SIPA1L2: variants seen among roughly 807,000 people sequenced by gnomAD.
The protein encoded by SIPA1L2 is signal-induced proliferation-associated 1-like protein 2.
SIPA1L2 carries 56 observed loss-of-function variants against 163.9 expected under a neutral mutation model. The ratio of observed to expected loss-of-function variants is 0.34; its 90% CI spans 0.28 to 0.43. The LOEUF (loss-of-function observed/expected upper bound fraction) is 0.43. Among genes scored for constraint, SIPA1L2 ranks in the 20% least tolerant of loss-of-function variants. The probability of loss-of-function intolerance (pLI) is 1.00; values close to 1 mark genes in which losing one functional copy is unlikely to be tolerated. For missense variants in SIPA1L2, 1,974 were observed against 2,193.5 expected, an observed-to-expected ratio of 0.90 and a Z score of 2.00; for synonymous variants, 877 against 865.7, an observed-to-expected ratio of 1.01 and a Z score of -0.23.
intron 2 of SIPA1L2, among the ~76,000 whole-genome samples, chr1:232,542,211 A>G (rs1164926268): frequency 1.3e-5 from 2 of 152,224 alleles, no homozygotes; most frequent in Non-Finnish European, 2.9e-5. Flanking sequence ...AAAAATGATC[A>G]TTTTAAATAA....
At chr1:232,490,398 A>G (rs1489438673) in intron 5 of SIPA1L2, among the ~76,000 whole-genome samples, 1 of 152,134 alleles carries the variant, frequency 6.6e-6, no homozygotes, top group Non-Finnish European at 1.5e-5. Flanking sequence ...TCTGCCTTGG[A>G]GAGGCCTTTC....
intron 10 of SIPA1L2, among the ~76,000 whole-genome samples, chr1:232,452,282 ACTTCCTGG>A (rs1663627808): frequency 2.0e-5 from 3 of 151,992 alleles, no homozygotes; most frequent in African/African-American, 4.8e-5. Context: ...AGCTGCCACC[ACTTCCTGG>A]CTTCCTGAAC....
At chr1:232,551,121 A>G (rs901717497) in intron 2 of SIPA1L2, among the ~76,000 whole-genome samples, 1 of 152,230 alleles carries the variant, frequency 6.6e-6, no homozygotes, top group South Asian at 2.1e-4. Flanking sequence ...TCATCTGTAA[A>G]GAGTTAATGA....
chr1:232,473,132 G>A (rs1206384145), intron 7 of SIPA1L2, among the ~76,000 whole-genome samples: 1 of 152,184 alleles, frequency 6.6e-6, no homozygotes, highest in Admixed American at 6.5e-5. Flanking sequence ...TCAAATGCAT[G>A]TAAATAATCA....
At chr1:232,416,593 T>C (rs1373092332) in intron 18 of SIPA1L2, among the ~76,000 whole-genome samples, 1 of 152,204 alleles carries the variant, frequency 6.6e-6, no homozygotes, top group East Asian at 1.9e-4. Flanking sequence ...TCATAAAGCT[T>C]ACTGAGGAAC....
intron 9 of SIPA1L2, chr1:232,462,255 T>C (rs1664278396): frequency 1.3e-6 from 2 of 1,550,892 alleles, no homozygotes; most frequent in Middle Eastern, 1.7e-4. Context: ...CCGATGACTA[T>C]GACCTCACCT....
At chr1:232,549,581 T>C (rs528203398) in intron 2 of SIPA1L2, among the ~76,000 whole-genome samples, 2 of 152,276 alleles carry the variant, frequency 1.3e-5, no homozygotes, top group East Asian at 1.9e-4. Flanking sequence ...TCCTATTATG[T>C]GGGAAATTTC....
At chr1:232,422,981 T>A (rs1311359392) in intron 18 of SIPA1L2, among the ~76,000 whole-genome samples, 1 of 152,142 alleles carries the variant, frequency 6.6e-6, no homozygotes, top group Non-Finnish European at 1.5e-5. Flanking sequence ...TGATACATAC[T>A]CGGTAGAAAT....
intron 1 of SIPA1L2, among the ~76,000 whole-genome samples, chr1:232,575,430 T>C (rs1660028507): frequency 6.6e-6 from 1 of 152,152 alleles, no homozygotes; most frequent in Admixed American, 6.5e-5. Context: ...TTTCAATCTG[T>C]CTCCATTTTT....
chr1:232,621,415 A>T (rs551559818), intron 1 of SIPA1L2, among the ~76,000 whole-genome samples: 8 of 152,166 alleles, frequency 5.3e-5, no homozygotes, highest in Middle Eastern at 3.4e-3. Flanking sequence ...TTTCATCATG[A>T]TTTATTGAAA....
At chr1:232,449,155 A>G (rs1393615540) in intron 10 of SIPA1L2, among the ~76,000 whole-genome samples, 1 of 152,162 alleles carries the variant, frequency 6.6e-6, no homozygotes, top group Non-Finnish European at 1.5e-5. Context: ...GTTAAAATTA[A>G]ACACTAAAAA....
At chr1:232,623,671 T>C (rs751388337) in intron 1 of SIPA1L2, among the ~76,000 whole-genome samples, 1 of 151,992 alleles carries the variant, frequency 6.6e-6, no homozygotes, top group African/African-American at 2.4e-5. Flanking sequence ...CTAAGGAGAA[T>C]AGCATCGCCA....
At chr1:232,597,405 C>T (rs61826622) in intron 1 of SIPA1L2, among the ~76,000 whole-genome samples, 196 of 151,664 alleles carry the variant, frequency 1.3e-3, no homozygotes, top group East Asian at 7.4e-3. Flanking sequence ...TGGCCGGGCG[C>T]GGTGGCTCAC....
intron 10 of SIPA1L2, among the ~76,000 whole-genome samples, chr1:232,459,331 A>G (rs1664102150): frequency 2.0e-5 from 3 of 152,298 alleles, no homozygotes; most frequent in East Asian, 3.9e-4. Flanking sequence ...ACAGACACAG[A>G]TCACTGTAGA....
At position 232,441,809 on chromosome 1, in the gene SIPA1L2, G is replaced by A; in HGVS notation, c.3497C>T (p.Ala1166Val). Residue 1166 changes from alanine (A) to valine (V), a missense_variant, in exon 13 of 23, where the codon GCC becomes GTC. Coordinates refer to ENST00000674635, the MANE Select transcript of SIPA1L2 (RefSeq NM_020808.5). ...TTCCATGGTGTCTTCCCTCTCCCTG[G>A]CTCCGTCACATTCCAAAGGGCCTGA... ...QGSGPLECDG[A>V]REREDTMEAS... 6.2e-7 allele frequency: 1 copy of A among 1,613,822 alleles called. No individual in the cohort carries two copies. The highest frequency in any genetic ancestry group is 1.1e-5 in the South Asian group (1 of 90,954).
intron 12 of SIPA1L2, among the ~76,000 whole-genome samples, chr1:232,442,508 A>G (rs1662963307): frequency 6.6e-6 from 1 of 150,496 alleles, no homozygotes; most frequent in Non-Finnish European, 1.5e-5. Flanking sequence ...AGATCATGCC[A>G]TTGCACTCCA....
chr1:232,402,361 C>G (rs752261785), intron 22 of SIPA1L2, 31 bp downstream of exon 22: 1 of 1,593,286 alleles, frequency 6.3e-7, no homozygotes, highest in South Asian at 1.1e-5. Context: ...ATAAGAGAAA[C>G]AGTTCTGATT....
chr1:232,620,262 C>T (rs111277851), intron 1 of SIPA1L2, among the ~76,000 whole-genome samples: 36 of 152,170 alleles, frequency 2.4e-4, no homozygotes, highest in African/African-American at 8.4e-4. Context: ...CTTTTAAACA[C>T]ACTAATGCTT....
Position 232,629,191 on chromosome 1 carries a change from G to T in SIPA1L2, c.-319+678C>A, listed in dbSNP as rs531598381. Among the ~76,000 whole-genome samples, 3 of 152,354 alleles carry T rather than the reference G, an allele frequency of 2.0e-5. No homozygotes were observed. In the East Asian group the frequency reaches 5.8e-4, roughly 29 times the overall value. On this transcript the variant is annotated intron_variant, in intron 1 of 22. Coordinates refer to ENST00000674635, the MANE Select transcript of SIPA1L2 (RefSeq NM_020808.5). The stretch of plus-strand genomic sequence containing the variant: ...GAAGCCTCGGCTCTCTCTTGCAGAT[G>T]ATGAGCCGAAATTGATTCTTTGGGT...
Sources: allele counts gnomAD v4.1 joint callset (sites outside exome capture counted in the v4.1 genomes callset), GRCh38; gene constraint gnomAD v4.1.1; transcripts MANE v1.5; gene names NCBI Gene and HGNC (gene_info 2026-07-23, HGNC 2026-07-21).